The following CACNA2D3 variants were observed in gnomAD, a reference collection of about 807,000 sequenced individuals.
CACNA2D3 encodes the protein voltage-dependent calcium channel subunit alpha-2/delta-3.
CACNA2D3 carries 60 observed loss-of-function variants against 160.6 expected under a neutral mutation model. That is an observed-to-expected ratio of 0.37 (90% CI 0.30 to 0.46). The LOEUF (loss-of-function observed/expected upper bound fraction) is 0.46. CACNA2D3 is among the 20% of genes least tolerant of loss of function. The pLI is 1.00. For synonymous variants in CACNA2D3, 558 were observed against 492.9 expected (o/e 1.13, Z -1.75); for missense variants, 1,205 against 1,365.0 (o/e 0.88, Z 1.85).
intron 4 of CACNA2D3, among the ~76,000 whole-genome samples, chr3:54,492,517 C>A (rs1246674737): frequency 6.6e-6 from 1 of 152,170 alleles, no homozygotes; most frequent in Non-Finnish European, 1.5e-5. Context: ...CTGGCCTCAC[C>A]CGGCCTGAAG....
In CACNA2D3 at chr3:54,821,832, G is replaced by A. The variant is rs2261211; in HGVS notation, c.1398+4962G>A. 5.3e-3 allele frequency among the ~76,000 whole-genome samples: 810 copies of A among 151,786 alleles called. 8 individuals are homozygous for A. The highest frequency in any genetic ancestry group is 0.017 in the African/African-American group (718 of 41,374). ...AGGGTAATCAGATTTCAGCAATTGC[G>A]AGGCATCATTTATCATTCTTTGCCT... On this transcript the variant is annotated intron_variant, in intron 14 of 37. Coordinates refer to ENST00000474759, the MANE Select transcript of CACNA2D3 (RefSeq NM_018398.3).
chr3:54,532,358 T>C (rs892904654), intron 5 of CACNA2D3, among the ~76,000 whole-genome samples: 1 of 152,210 alleles, frequency 6.6e-6, no homozygotes, highest in South Asian at 2.1e-4. Context: ...AGTACAGTTT[T>C]GCTGCATGGA....
At chr3:54,901,635 T>A (rs1488285240) in intron 27 of CACNA2D3, among the ~76,000 whole-genome samples, 1 of 152,182 alleles carries the variant, frequency 6.6e-6, no homozygotes, top group Non-Finnish European at 1.5e-5. Flanking sequence ...GTATGCCAAA[T>A]GGCCCCCATT....
chr3:54,170,800 A>T (rs991440964), intron 2 of CACNA2D3, among the ~76,000 whole-genome samples: 8 of 152,224 alleles, frequency 5.3e-5, no homozygotes, highest in African/African-American at 1.7e-4. Context: ...CCAAATTTTC[A>T]TCAAACTTGA....
intron 13 of CACNA2D3, among the ~76,000 whole-genome samples, chr3:54,807,909 C>T (rs1336921791): frequency 1.3e-5 from 2 of 149,062 alleles, no homozygotes; most frequent in South Asian, 2.2e-4. Flanking sequence ...TTTGTAGGGA[C>T]ATGGATGAAA....
At chr3:54,172,870 A>G (rs1700603724) in intron 2 of CACNA2D3, among the ~76,000 whole-genome samples, 1 of 152,208 alleles carries the variant, frequency 6.6e-6, no homozygotes, top group Non-Finnish European at 1.5e-5. Context: ...CCTTCCCTCT[A>G]GCCAGGAAGA....
intron 11 of CACNA2D3, among the ~76,000 whole-genome samples, chr3:54,750,587 T>G (rs1204578889): frequency 6.6e-6 from 1 of 152,086 alleles, no homozygotes; most frequent in Non-Finnish European, 1.5e-5. Flanking sequence ...GTCTTAGAAG[T>G]CTTCTCTCAT....
In CACNA2D3 at chr3:54,612,062, A is replaced by G. The variant is rs927206193; in HGVS notation, c.964-15725A>G. 3.3e-5 allele frequency among the ~76,000 whole-genome samples: 5 copies of G among 152,234 alleles called. No homozygotes were observed. In the East Asian group the frequency reaches 9.7e-4, roughly 29 times the overall value. On this transcript the variant is annotated intron_variant, in intron 9 of 37. Transcript: ENST00000474759. ...GATTCACACCAGTTCTGTTCATTCT[A>G]CTAGTTGGCTGTCCCAGGGTTGGTT...
chr3:54,836,215 T>G (rs1158756972), intron 14 of CACNA2D3, among the ~76,000 whole-genome samples: 3 of 76,932 alleles, frequency 3.9e-5, no homozygotes, highest in Admixed American at 3.7e-4. Context: ...AGGGCCATTC[T>G]TTTTTTTTTT....
chr3:54,783,970 A>C (rs1412448353), intron 13 of CACNA2D3, among the ~76,000 whole-genome samples: 3 of 152,228 alleles, frequency 2.0e-5, no homozygotes, highest in African/African-American at 7.2e-5. Context: ...TATAATTTAT[A>C]TAACCCCAAC....
intron 18 of CACNA2D3, among the ~76,000 whole-genome samples, chr3:54,873,119 A>T (rs1287969355): frequency 6.6e-6 from 1 of 152,092 alleles, no homozygotes; most frequent in Non-Finnish European, 1.5e-5. Context: ...CAAGAAAATG[A>T]GTGTGATGGC....
chr3:54,217,964 G>T (rs978711889), intron 2 of CACNA2D3, among the ~76,000 whole-genome samples: 4 of 151,886 alleles, frequency 2.6e-5, no homozygotes, highest in Non-Finnish European at 5.9e-5. Context: ...GTTGAGGGGG[G>T]TGTTTTAGAG....
At position 54,481,915 on chromosome 3, in the gene CACNA2D3, T is replaced by C. The variant is rs75560515; in HGVS notation, c.382-21577T>C. 4.5e-4 allele frequency among the ~76,000 whole-genome samples: 68 copies of C among 152,368 alleles called. 2 individuals are homozygous for C. In the East Asian group the frequency reaches 0.013, roughly 29 times the overall value. ...AATTTCATTAAGTGATGTGAAAATA[T>C]ACATATGGGGATTTCTACAATGACT... On this transcript the variant is annotated intron_variant, in intron 4 of 37. Transcript: ENST00000474759.
intron 31 of CACNA2D3, among the ~76,000 whole-genome samples, chr3:54,997,530 G>A (rs944889571): frequency 2.6e-5 from 4 of 151,786 alleles, no homozygotes; most frequent in African/African-American, 4.8e-5. Flanking sequence ...CATCCAGCAC[G>A]TGAAACCTCA....
chr3:54,543,911 AC>A (rs1258752226), intron 5 of CACNA2D3, among the ~76,000 whole-genome samples: 1 of 152,146 alleles, frequency 6.6e-6, no homozygotes, highest in Non-Finnish European at 1.5e-5. Context: ...AAACATTTGA[AC>A]CTTTTTTTCT....
At chr3:54,263,399 G>C (rs932963636) in intron 2 of CACNA2D3, among the ~76,000 whole-genome samples, 1 of 152,166 alleles carries the variant, frequency 6.6e-6, no homozygotes. Context: ...AATTATGAGA[G>C]CATCTCAGTG....
chr3:54,735,555 A>G (rs748744343), intron 11 of CACNA2D3, among the ~76,000 whole-genome samples: 25 of 152,126 alleles, frequency 1.6e-4, no homozygotes, highest in Admixed American at 3.9e-4. Context: ...AACTGTGGGG[A>G]TGGTAGTACT....
At chr3:54,828,541 ACAAAAGGACAGAATAT>A (rs1703793710) in intron 14 of CACNA2D3, among the ~76,000 whole-genome samples, 1 of 152,234 alleles carries the variant, frequency 6.6e-6, no homozygotes, top group South Asian at 2.1e-4. Flanking sequence ...AATCACTGGA[ACAAAAGGACAGAATAT>A]CAAAATGTTC....
chr3:54,210,119 G>A (rs1433356068), intron 2 of CACNA2D3, among the ~76,000 whole-genome samples: 1 of 152,190 alleles, frequency 6.6e-6, no homozygotes, highest in Admixed American at 6.5e-5. Context: ...ACGTTTGTTA[G>A]AAGGTTATAA....
Sources: gnomAD v4.1 joint callset for allele counts (sites outside exome capture counted in the v4.1 genomes callset) on GRCh38, gnomAD v4.1.1 for gene constraint, MANE v1.5 for transcripts, NCBI Gene and HGNC (gene_info 2026-07-23, HGNC 2026-07-21) for gene names.